Variants in ROBO1 observed in about 807,000 individuals in gnomAD.
ROBO1 encodes the protein roundabout homolog 1.
A neutral mutation model predicts 195.9 loss-of-function variants in ROBO1; 149 were observed. That is an observed-to-expected ratio of 0.76 (90% CI 0.67 to 0.87). The LOEUF is 0.87. ROBO1 is among the 40% of genes least tolerant of loss of function. The pLI, the probability that ROBO1 is intolerant of heterozygous loss-of-function variation, is 0.00. For synonymous variants in ROBO1, 816 were observed against 733.2 expected (o/e 1.11, Z -1.82); for missense variants, 1,933 against 2,068.3 (o/e 0.93, Z 1.27).
chr3:78,614,737 T>C lies in ROBO1; in HGVS notation c.4346A>G (p.Asn1449Ser), dbSNP rs1383778116. ...RPTSPVSTDS[N>S]MSAAVMQKTR... is the part of the protein sequence containing the mutation. ...TTTCTGCATTACGGCGGCACTCATGTTGCTGTCTGTAGACACGGGACTTGT... is the reference window on the plus strand; with the variant it reads ...TTTCTGCATTACGGCGGCACTCATGCTGCTGTCTGTAGACACGGGACTTGT... Residue 1449 changes from asparagine (N) to serine (S), a missense_variant, in exon 28 of 31, where the codon AAC (asparagine) becomes AGC (serine). By Grantham distance (46) the Asn-to-Ser change is conservative. Transcript: ENST00000464233. The C allele has an allele frequency of 1.2e-6, 2 of 1,613,652 alleles. No individual in the cohort carries two copies. The highest frequency in any genetic ancestry group is 2.7e-5 in the African/African-American group (2 of 74,954).
chr3:79,621,949 C>A (rs147324424), intron 1 of ROBO1, among the ~76,000 whole-genome samples: 10 of 152,116 alleles, frequency 6.6e-5, no homozygotes, highest in African/African-American at 2.4e-4. Context: ...CATTCCGAGG[C>A]TCCCATAAAA....
chr3:79,623,813 C>T (rs184948682), intron 1 of ROBO1, among the ~76,000 whole-genome samples: 97 of 152,172 alleles, frequency 6.4e-4, no homozygotes, highest in African/African-American at 1.6e-3. Flanking sequence ...CCTAGCAAGA[C>T]GGGACAACAT....
chr3:79,282,647 C>T (rs1280178000), intron 2 of ROBO1, among the ~76,000 whole-genome samples: 1 of 152,134 alleles, frequency 6.6e-6, no homozygotes, highest in East Asian at 1.9e-4. Context: ...AGATGTTTTA[C>T]CGTTAGCTGA....
At position 79,761,000 on chromosome 3, in the gene ROBO1, TGA is replaced by T. The variant is rs1346085019; in HGVS notation, c.-51+6750_-51+6751del. Among the ~76,000 whole-genome samples, 5 of 150,040 alleles carry T rather than the reference TGA, an allele frequency of 3.3e-5. No individual in the cohort carries two copies. The South Asian group carries it at 1.0e-3, about 31-fold the overall frequency. ...TTATAGTAAGAAAAATACCTATAAA[TGA>T]GAGAGAAAAACATAAAATATAATAC... is the stretch of plus-strand genomic sequence containing the variant. On this transcript the variant is annotated intron_variant, in intron 1 of 30. Coordinates refer to ENST00000464233, the MANE Select transcript of ROBO1 (RefSeq NM_002941.4).
At chr3:79,644,193 T>A (rs1021993111) in intron 1 of ROBO1, among the ~76,000 whole-genome samples, 2 of 151,982 alleles carry the variant, frequency 1.3e-5, no homozygotes, top group East Asian at 3.9e-4. Flanking sequence ...ACATCAGAGT[T>A]TCCAAGTATA....
intron 1 of ROBO1, among the ~76,000 whole-genome samples, chr3:79,617,290 C>T (rs966213520): frequency 6.6e-6 from 1 of 152,076 alleles, no homozygotes; most frequent in Non-Finnish European, 1.5e-5. Flanking sequence ...GGCTGAATTT[C>T]ACAACCAAAT....
chr3:78,711,401 T>C (rs1575993748), intron 8 of ROBO1, among the ~76,000 whole-genome samples: 3 of 54,718 alleles, frequency 5.5e-5, no homozygotes, highest in Non-Finnish European at 7.3e-5. Context: ...CTTCCTTCCT[T>C]TCTTTCTTTC....
rs1032992596 is a variant in ROBO1, at chr3:78,635,781, A to T, written c.3365T>A (p.Leu1122Gln). 2 of 1,613,276 alleles carry T rather than the reference A, an allele frequency of 1.2e-6. No individual in the cohort carries two copies. The highest frequency in any genetic ancestry group is 1.3e-5 in the African/African-American group (1 of 74,888). Reference protein sequence around the residue: ...VQYNIVEQNKLNKDYRANDTV... With the variant: ...VQYNIVEQNKQNKDYRANDTV... ...CATGCAAGCCTCTTCACCTTTGTTC[A>T]GCTTGTTTTGCTCCACGATGTTGTA... The change falls in exon 23 of 31, where the codon CTG (leucine) becomes CAG (glutamine). Residue 1122 changes from leucine (L) to glutamine (Q), a missense_variant. This residue lies in a region of ROBO1 where 1,737 missense variants were observed against 1,882.5 expected (regional missense o/e 0.92). Transcript: ENST00000464233.
At chr3:79,391,276 G>T (rs562369947) in intron 2 of ROBO1, among the ~76,000 whole-genome samples, 1 of 152,204 alleles carries the variant, frequency 6.6e-6, no homozygotes, top group East Asian at 1.9e-4. Context: ...CTGGGCAACA[G>T]ACTGAGACTC....
chr3:79,460,868 C>T (rs1937613896), intron 2 of ROBO1, among the ~76,000 whole-genome samples: 1 of 152,130 alleles, frequency 6.6e-6, no homozygotes, highest in African/African-American at 2.4e-5. Context: ...CTGCCTCAAC[C>T]TCCCGAGTAG....
At chr3:79,607,879 G>T (rs1944538848) in intron 1 of ROBO1, among the ~76,000 whole-genome samples, 1 of 151,946 alleles carries the variant, frequency 6.6e-6, no homozygotes, top group Non-Finnish European at 1.5e-5. Context: ...AGGCATGTTT[G>T]CCATAACCAG....
At chr3:78,874,221 G>A (rs2035709321) in intron 4 of ROBO1, among the ~76,000 whole-genome samples, 2 of 151,830 alleles carry the variant, frequency 1.3e-5, no homozygotes, top group South Asian at 4.1e-4. Flanking sequence ...CAAGCACATA[G>A]TAGGTACTAA....
At chr3:79,073,524 T>C (rs2079122325) in intron 3 of ROBO1, among the ~76,000 whole-genome samples, 1 of 151,872 alleles carries the variant, frequency 6.6e-6, no homozygotes, top group Non-Finnish European at 1.5e-5. Flanking sequence ...GACAGTGCCA[T>C]AGGGAGCCTT....
At chr3:79,545,041 T>A (rs908160476) in intron 2 of ROBO1, among the ~76,000 whole-genome samples, 2 of 152,056 alleles carry the variant, frequency 1.3e-5, no homozygotes, top group Non-Finnish European at 2.9e-5. Context: ...ATATTTAATA[T>A]TTTTTTACCT....
At chr3:79,627,524 G>A (rs988562490) in intron 1 of ROBO1, among the ~76,000 whole-genome samples, 8 of 152,060 alleles carry the variant, frequency 5.3e-5, no homozygotes, top group Non-Finnish European at 7.4e-5. Context: ...AGACTTAAAT[G>A]TAAAATCAAA....
chr3:78,997,791 T>C (rs1355380765), intron 3 of ROBO1, among the ~76,000 whole-genome samples: 1 of 152,136 alleles, frequency 6.6e-6, no homozygotes, highest in Non-Finnish European at 1.5e-5. Context: ...TTATGTGTGC[T>C]GAGTATTAAT....
At chr3:79,696,278 C>T (rs908593479) in intron 1 of ROBO1, among the ~76,000 whole-genome samples, 2 of 151,116 alleles carry the variant, frequency 1.3e-5, no homozygotes, top group Admixed American at 1.3e-4. Flanking sequence ...CGTTACTTTT[C>T]CTAATTACTT....
chr3:79,173,240 C>T lies in ROBO1; in HGVS notation c.89-47701G>A, dbSNP rs193109080. 9.2e-3 allele frequency among the ~76,000 whole-genome samples: 1,404 copies of T among 152,224 alleles called. 22 individuals are homozygous for T. The highest frequency in any genetic ancestry group is 0.032 in the African/African-American group (1,326 of 41,550). On this transcript the variant is annotated intron_variant, in intron 2 of 30. Transcript: ENST00000464233. ...TACCTGGGCTCCCACTTTGGTGGCA[C>T]TTGAGGAGCCCTTCAGCCCACCGCT...
chr3:79,632,126 T>A (rs1451303835), intron 1 of ROBO1, among the ~76,000 whole-genome samples: 1 of 152,186 alleles, frequency 6.6e-6, no homozygotes, highest in African/African-American at 2.4e-5. Flanking sequence ...GTCCCACTAC[T>A]GAGTATCTAC....
Sources: gnomAD v4.1 joint callset for allele counts (sites outside exome capture counted in the v4.1 genomes callset) on GRCh38, gnomAD v4.1.1 for gene constraint, gnomAD v4.1.1 regional missense constraint, MANE v1.5 for transcripts, NCBI Gene and HGNC (gene_info 2026-07-23, HGNC 2026-07-21) for gene names.